The following VSIG1 variants were observed in gnomAD, a reference collection of about 807,000 sequenced individuals.
VSIG1 encodes the protein V-set and immunoglobulin domain containing 1, also known as V-set and immunoglobulin domain-containing protein 1.
Under a neutral mutation model 20.1 loss-of-function variants are expected in VSIG1, and 11 were observed. The observed-to-expected ratio is 0.55, with a 90% confidence interval of 0.34 to 0.91. VSIG1 has a LOEUF of 0.91. Ranked by LOEUF, VSIG1 falls within the 40% of genes least tolerant of loss-of-function variation. The pLI, the probability that VSIG1 is intolerant of heterozygous loss-of-function variation, is 0.02. For missense variants in VSIG1, 283 were observed against 298.8 expected, an observed-to-expected ratio of 0.95 and a Z score of 0.39; for synonymous variants, 126 against 116.7, an observed-to-expected ratio of 1.08 and a Z score of -0.52.
At chrX:108,022,173 C>T in the VSIG1 span, among the ~76,000 whole-genome samples, 1 of 111,858 alleles carries the variant, frequency 8.9e-6, no homozygotes, top group African/African-American at 3.2e-5. Context: ...AGTCTTCCAA[C>T]CCATGAACAT....
chrX:108,058,157 ATCCAGTGGTCTTTCT>A lies in VSIG1; in HGVS notation c.174_188del (p.Gln58_Phe62del). ...TGTGGCCTCCCGAGAACAGCTTTCC[ATCCAGTGGTCTTTCT>A]TCCATAAGAAGGAGATGGAGCCAAT... is the stretch of plus-strand genomic sequence containing the variant. On this transcript the variant is annotated inframe_deletion, in exon 2 of 7. Coordinates refer to ENST00000217957, the MANE Select transcript of VSIG1 (RefSeq NM_182607.5). 8.3e-7 allele frequency: 1 copy of A among 1,210,456 alleles called. No homozygotes were observed. The highest frequency in any genetic ancestry group is 1.1e-6 in the Non-Finnish European group (1 of 894,910).
the VSIG1 span, among the ~76,000 whole-genome samples, chrX:108,030,163 T>A: frequency 9.0e-6 from 1 of 111,676 alleles, no homozygotes; most frequent in Non-Finnish European, 1.9e-5. Context: ...GTCATACCAC[T>A]TAGCTCATAA....
intron 1 of VSIG1, among the ~76,000 whole-genome samples, chrX:108,047,035 A>G (rs1429635853): frequency 9.0e-6 from 1 of 110,639 alleles, no homozygotes; most frequent in Non-Finnish European, 1.9e-5. Flanking sequence ...TCACTTTAGT[A>G]ATCTACACCT....
the VSIG1 span, among the ~76,000 whole-genome samples, chrX:108,019,015 G>A: frequency 8.9e-6 from 1 of 111,984 alleles, no homozygotes; most frequent in East Asian, 2.8e-4. Context: ...GGCTTAATTG[G>A]GTGCTGGAAG....
chrX:108,019,056 T>C, the VSIG1 span, among the ~76,000 whole-genome samples: 1 of 111,844 alleles, frequency 8.9e-6, no homozygotes, highest in Non-Finnish European at 1.9e-5. Flanking sequence ...GGTGAACAGG[T>C]TCTCTAGCCC....
At chrX:108,072,896 T>A in intron 4 of VSIG1, 64 bp downstream of exon 4, 3 of 1,101,371 alleles carry the variant, frequency 2.7e-6, no homozygotes, top group Middle Eastern at 2.6e-4. Context: ...ACAGCAGGAG[T>A]GTGTGGTTGG....
chrX:108,034,119 C>T, the VSIG1 span, among the ~76,000 whole-genome samples: 1 of 110,619 alleles, frequency 9.0e-6, no homozygotes, highest in Non-Finnish European at 1.9e-5. Context: ...AAGGGCTGAA[C>T]TGGGCAGGAA....
chrX:108,036,173 T>A, the VSIG1 span, among the ~76,000 whole-genome samples: 1 of 104,559 alleles, frequency 9.6e-6, no homozygotes, highest in African/African-American at 3.5e-5. Context: ...GGATGTCTGT[T>A]TTTTAGGGTT....
intron 1 of VSIG1, among the ~76,000 whole-genome samples, chrX:108,045,695 T>C (rs763653207): frequency 8.9e-6 from 1 of 112,194 alleles, no homozygotes; most frequent in African/African-American, 3.2e-5. Flanking sequence ...TTGCAAAATA[T>C]GTGAGTGATT....
chrX:108,077,401 C>A lies in VSIG1; in HGVS notation c.*20C>A. The A allele has an allele frequency of 8.5e-7, 1 of 1,182,364 alleles. No individual in the cohort carries two copies. Among genetic ancestry groups the A allele is most frequent in the Non-Finnish European group, 1.1e-6 (1 of 878,591 alleles). On this transcript the variant is annotated 3_prime_UTR_variant, in exon 7 of 7. Coordinates refer to ENST00000217957, the MANE Select transcript of VSIG1 (RefSeq NM_182607.5). Reference sequence around the variant, plus strand: ...GCATAGGCTGGTGGCCTAAGTACAGCATTAATCATTAAGGAACCCATTACT... The same window carrying A: ...GCATAGGCTGGTGGCCTAAGTACAGAATTAATCATTAAGGAACCCATTACT...
chrX:108,069,416 G>A, intron 3 of VSIG1, among the ~76,000 whole-genome samples: 1 of 111,705 alleles, frequency 9.0e-6, no homozygotes, highest in Non-Finnish European at 1.9e-5. Context: ...AGGCTTTTTG[G>A]AAAATTTGAG....
chrX:108,042,386 C>G (rs1333517774), upstream of VSIG1, among the ~76,000 whole-genome samples: 1 of 111,972 alleles, frequency 8.9e-6, no homozygotes, highest in African/African-American at 3.2e-5. Flanking sequence ...CTACTTTGTG[C>G]CTAGTAATCC....
chrX:108,058,201 T>C lies in VSIG1; in HGVS notation c.213T>C (p.Ser71=). ...FFHKKEMEPI[S]IYFSQGGQAV... ...ATAAGAAGGAGATGGAGCCAATTTCTGTAAGGACACTTTTTCCTAAACTCT... is the reference window on the plus strand; with the variant it reads ...ATAAGAAGGAGATGGAGCCAATTTCCGTAAGGACACTTTTTCCTAAACTCT... The change falls in exon 2 of 7, where the codon TCT becomes TCC. Residue 71 remains serine (S), a splice_region_variant and synonymous_variant. Transcript: ENST00000217957. 2 of 1,204,102 alleles carry C rather than the reference T, an allele frequency of 1.7e-6. No homozygotes were observed. The highest frequency in any genetic ancestry group is 3.0e-5 in the East Asian group (1 of 33,575).
intron 2 of VSIG1, among the ~76,000 whole-genome samples, chrX:108,062,369 C>T (rs1156525198): frequency 9.0e-6 from 1 of 111,532 alleles, no homozygotes; most frequent in Non-Finnish European, 1.9e-5. Context: ...GACAGAGCCA[C>T]ACAATAAAGA....
At chrX:108,023,112 A>G in the VSIG1 span, among the ~76,000 whole-genome samples, 23 of 112,197 alleles carry the variant, frequency 2.0e-4, no homozygotes, top group Admixed American at 2.1e-3. Context: ...GGACTGAAAC[A>G]ATGCCCTTTA....
the VSIG1 span, among the ~76,000 whole-genome samples, chrX:108,030,599 C>T: frequency 1.8e-5 from 2 of 112,275 alleles, no homozygotes; most frequent in Non-Finnish European, 1.9e-5. Context: ...CATCAGGGAA[C>T]ATGCAACTCA....
At chrX:108,076,696 G>A (rs1020208572) in intron 6 of VSIG1, among the ~76,000 whole-genome samples, 3 of 110,342 alleles carry the variant, frequency 2.7e-5, no homozygotes, top group African/African-American at 9.9e-5. Flanking sequence ...CTATCTATTG[G>A]GTATCAACCA....
chrX:108,048,941 G>A (rs2030727411), intron 1 of VSIG1, among the ~76,000 whole-genome samples: 1 of 112,233 alleles, frequency 8.9e-6, no homozygotes, highest in Non-Finnish European at 1.9e-5. Context: ...CTAATTGAAT[G>A]ATGTGACATT....
chrX:108,061,935 C>A (rs1485881922), intron 2 of VSIG1, among the ~76,000 whole-genome samples: 1 of 110,679 alleles, frequency 9.0e-6, no homozygotes, highest in Admixed American at 9.5e-5. Flanking sequence ...GGTCTTCCCA[C>A]CAAGAAGGCC....
Sources: gnomAD v4.1 joint callset for allele counts (sites outside exome capture counted in the v4.1 genomes callset) on GRCh38, gnomAD v4.1.1 for gene constraint, MANE v1.5 for transcripts, NCBI Gene and HGNC (gene_info 2026-07-23, HGNC 2026-07-21) for gene names.